Variants in MYLK3 observed in about 807,000 individuals in gnomAD.
MYLK3 encodes the protein MLC kinase.
In MYLK3, 55 loss-of-function variants were observed where a neutral mutation model predicts 76.3. That is an observed-to-expected ratio of 0.72 (90% CI 0.58 to 0.90). MYLK3 has a LOEUF of 0.90. Ranked by LOEUF, MYLK3 falls within the 40% of genes least tolerant of loss-of-function variation. The probability of loss-of-function intolerance (pLI) is 0.00; values close to 1 mark genes in which losing one functional copy is unlikely to be tolerated. For synonymous variants in MYLK3, 416 were observed against 425.4 expected, an observed-to-expected ratio of 0.98 and a Z score of 0.27; for missense variants, 973 against 1,053.6, an observed-to-expected ratio of 0.92 and a Z score of 1.06.
chr16:46,721,418 C>T (rs2143013736), intron 8 of MYLK3, among the ~76,000 whole-genome samples: 1 of 152,278 alleles, frequency 6.6e-6, no homozygotes, highest in South Asian at 2.1e-4. Flanking sequence ...TGTAAAGGGA[C>T]AGCACTACCC....
Position 46,710,673 on chromosome 16 carries a change from T to C in MYLK3, c.2231A>G (p.Lys744Arg), listed in dbSNP as rs768340016. 5.6e-6 allele frequency: 9 copies of C among 1,614,204 alleles called. No individual in the cohort carries two copies. Among genetic ancestry groups the C allele is most frequent in the African/African-American group, 4.0e-5 (3 of 75,042 alleles). The change falls in exon 11 of 13, where the codon AAG (lysine) becomes AGG (arginine). Residue 744 changes from lysine to arginine, a missense_variant. By Grantham distance (26) the Lys-to-Arg change is conservative. Transcript: ENST00000394809. ...DTFEGLSEEA[K>R]DFVSRLLVKE... ...GACCAGCAACCGGGAAACAAAGTCC[T>C]TGGCCTCCTCCGAGAGCCCTTCAAA...
intron 1 of MYLK3, among the ~76,000 whole-genome samples, chr16:46,756,129 C>T (rs1266040693): frequency 2.0e-5 from 3 of 152,002 alleles, no homozygotes; most frequent in African/African-American, 4.8e-5. Context: ...AGGCTGGTCT[C>T]GAACTCCTAA....
chr16:46,739,263 A>G (rs1471979309), intron 2 of MYLK3, among the ~76,000 whole-genome samples: 4 of 152,224 alleles, frequency 2.6e-5, no homozygotes, highest in African/African-American at 4.8e-5. Flanking sequence ...CTAGGATTAC[A>G]GGAATGGACC....
upstream of MYLK3, among the ~76,000 whole-genome samples, chr16:46,752,140 G>C (rs977830146): frequency 6.6e-6 from 1 of 152,110 alleles, no homozygotes; most frequent in African/African-American, 2.4e-5. Context: ...GGTGGGGCCA[G>C]CACGCACCAG....
chr16:46,741,071 G>A (rs919799650), intron 1 of MYLK3, among the ~76,000 whole-genome samples: 1 of 152,208 alleles, frequency 6.6e-6, no homozygotes, highest in African/African-American at 2.4e-5. Flanking sequence ...AGCCAGCCAT[G>A]CTGGGTTTGA....
At chr16:46,751,519 CT>C (rs1334659587), upstream of MYLK3, among the ~76,000 whole-genome samples, 1 of 152,240 alleles carries the variant, frequency 6.6e-6, no homozygotes, top group African/African-American at 2.4e-5. Context: ...TGGAAGCTCC[CT>C]GAGGGCAGAC....
Position 46,707,450 on chromosome 16 carries a change from A to G in MYLK3, c.*254T>C, listed in dbSNP as rs576668504. 4.8e-6 allele frequency: 2 copies of G among 412,882 alleles called. No homozygotes were observed. The highest frequency in any genetic ancestry group is 4.2e-5 in the Admixed American group (1 of 23,954). 25.6% of individuals were successfully genotyped at this position (412,882 alleles called of 1,614,324 possible). A position where few individuals can be genotyped will look rare whatever the true frequency, so the allele number is the denominator to read the frequency against. ...CTAAAGCATCCCTACACTTACCACC[A>G]AAAGTAGGTATATTTGAAAGGTACT... On this transcript the variant is annotated 3_prime_UTR_variant, in exon 13 of 13. Coordinates refer to ENST00000394809, the MANE Select transcript of MYLK3 (RefSeq NM_182493.3).
chr16:46,711,618 C>T, intron 10 of MYLK3: 1 of 436,122 alleles, frequency 2.3e-6, no homozygotes, highest in Non-Finnish European at 4.6e-6. Context: ...TCAGGCAATC[C>T]TCCCGCCACA....
chr16:46,722,361 C>A (rs910553172), intron 8 of MYLK3, among the ~76,000 whole-genome samples: 1 of 152,160 alleles, frequency 6.6e-6, no homozygotes. Context: ...GTCTGTCCCC[C>A]CAGAGGGTGT....
At chr16:46,708,498 A>G (rs1243503633) in intron 12 of MYLK3, among the ~76,000 whole-genome samples, 1 of 152,064 alleles carries the variant, frequency 6.6e-6, no homozygotes, top group Non-Finnish European at 1.5e-5. Context: ...TCTGTCACCC[A>G]GGCTAGAGTA....
In MYLK3 at chr16:46,762,511, C is replaced by T. The variant is rs142928650; in HGVS notation, c.-114+529G>A. On this transcript the variant is annotated intron_variant, in intron 1 of 11. Coordinates refer to the MYLK3 transcript ENST00000536476. ...CCAGCTGACGGAAAACATTTACAAA[C>T]GTTATTGGGAGGTCTGAGGTCAATT... Among the ~76,000 whole-genome samples the T allele has an allele frequency of 6.3e-3, 952 of 152,256 alleles. 11 individuals are homozygous for T. Among genetic ancestry groups the T allele is most frequent in the African/African-American group, 0.022 (924 of 41,540 alleles).
At chr16:46,721,298 T>A (rs1401598031) in intron 8 of MYLK3, 105 bp from the exon 9 acceptor site, 2 of 1,041,158 alleles carry the variant, frequency 1.9e-6, no homozygotes, top group South Asian at 2.6e-5. Flanking sequence ...GGGACATGAA[T>A]GGCTCAGGGC....
chr16:46,732,670 T>C lies in MYLK3; in HGVS notation c.1002-2A>G. The C allele has an allele frequency of 6.7e-7, 1 of 1,499,728 alleles. No homozygotes were observed. Among genetic ancestry groups the C allele is most frequent in the Non-Finnish European group, 8.8e-7 (1 of 1,131,094 alleles). 92.9% of individuals were successfully genotyped at this position (1,499,728 alleles called of 1,614,324 possible). ...ATCTCTTGTATGTGGATGGAGATCC[T>C]GGGGTGGAGAGAAACATGGTGCTGA... is the stretch of plus-strand genomic sequence containing the variant. On this transcript the variant is annotated splice_acceptor_variant, in intron 3 of 12. Transcript: ENST00000394809. LOFTEE classifies it high-confidence loss of function.
At chr16:46,758,999 G>A (rs1048532160) in intron 1 of MYLK3, among the ~76,000 whole-genome samples, 6 of 152,240 alleles carry the variant, frequency 3.9e-5, no homozygotes, top group Non-Finnish European at 5.9e-5. Flanking sequence ...AACAGCCACA[G>A]CCCTGCCAGG....
rs1217701838 is a variant in MYLK3, at chr16:46,706,318, G to T, written c.*1386C>A. 6.7e-6 allele frequency: 1 copy of T among 148,258 alleles called. No homozygotes were observed. Among genetic ancestry groups the T allele is most frequent in the African/African-American group, 2.5e-5 (1 of 40,100 alleles). 9.2% of individuals were successfully genotyped at this position (148,258 alleles called of 1,614,324 possible). ...CTTTTTTTTTTTTTTTTTTGAGACG[G>T]AGTCTTGCTCTGTTGCCTAGGCTGG... On this transcript the variant is annotated 3_prime_UTR_variant, in exon 13 of 13. Transcript: ENST00000394809.
intron 1 of MYLK3, among the ~76,000 whole-genome samples, chr16:46,756,090 A>G (rs1468087880): frequency 2.6e-5 from 4 of 151,520 alleles, no homozygotes; most frequent in Non-Finnish European, 5.9e-5. Context: ...TTTGTATTTC[A>G]GTAGAGATGG....
At chr16:46,741,822 G>A (rs1966936114) in intron 1 of MYLK3, among the ~76,000 whole-genome samples, 1 of 150,026 alleles carries the variant, frequency 6.7e-6, no homozygotes, top group Non-Finnish European at 1.5e-5. Context: ...CCAGCCTGGA[G>A]TGCAGTGGTT....
In MYLK3 at chr16:46,737,900, A is replaced by T. The variant is rs942717439; in HGVS notation, c.812T>A (p.Val271Asp). Reference protein sequence around the residue: ...GLELAPAPGRVNVVSPSLEVA... With the variant: ...GLELAPAPGRDNVVSPSLEVA... ...CTCCAGGCTCGGGGAGACCACATTG[A>T]CCCTGCCGGGTGCTGGAGCCAATTC... is the stretch of plus-strand genomic sequence containing the variant. Residue 271 changes from valine (V) to aspartate (D), a missense_variant, in exon 3 of 13, where the codon GTC becomes GAC. Coordinates refer to ENST00000394809, the MANE Select transcript of MYLK3 (RefSeq NM_182493.3). 5.6e-6 allele frequency: 9 copies of T among 1,613,716 alleles called. No homozygotes were observed. In the Admixed American group the frequency reaches 8.3e-5, roughly 15 times the overall value.
chr16:46,717,339 C>T (rs952988386), intron 9 of MYLK3, among the ~76,000 whole-genome samples: 1 of 152,184 alleles, frequency 6.6e-6, no homozygotes, highest in African/African-American at 2.4e-5. Flanking sequence ...AGAGGAAATA[C>T]AATTTGAGAG....
Sources: allele counts gnomAD v4.1 joint callset (sites outside exome capture counted in the v4.1 genomes callset), GRCh38; gene constraint gnomAD v4.1.1; transcripts MANE v1.5; gene names NCBI Gene and HGNC (gene_info 2026-07-23, HGNC 2026-07-21).